TRIM67: variants seen among roughly 807,000 people sequenced by gnomAD.
TRIM67 encodes the protein tripartite motif containing 67, also known as tripartite motif-containing protein 67.
A neutral mutation model predicts 71.0 loss-of-function variants in TRIM67; 39 were observed. The ratio of observed to expected loss-of-function variants is 0.55; its 90% confidence interval spans 0.43 to 0.72. The LOEUF (loss-of-function observed/expected upper bound fraction) is 0.72, where lower values mean the gene tolerates loss of function less well. Ranked by LOEUF, TRIM67 falls within the 30% of genes least tolerant of loss-of-function variation. The pLI, the probability that TRIM67 is intolerant of heterozygous loss-of-function variation, is 0.00. For missense variants in TRIM67, 973 were observed against 1,079.2 expected (o/e 0.90, Z 1.38); for synonymous variants, 481 against 473.9 (o/e 1.01, Z -0.19).
intron 1 of TRIM67, among the ~76,000 whole-genome samples, 176 bp downstream of exon 1, chr1:231,164,189 C>G (rs937885942): frequency 2.6e-5 from 4 of 152,212 alleles, no homozygotes; most frequent in Admixed American, 1.3e-4. Flanking sequence ...GTAAGGGACT[C>G]CCGGTACTTT....
chr1:231,185,085 G>A, intron 1 of TRIM67: 3 of 1,532,948 alleles, frequency 2.0e-6, no homozygotes, highest in Non-Finnish European at 1.7e-6. Flanking sequence ...AGAGAGCAGG[G>A]CACTTCGGTC....
intron 6 of TRIM67, among the ~76,000 whole-genome samples, chr1:231,206,168 C>T (rs182838364): frequency 1.3e-5 from 2 of 152,004 alleles, no homozygotes; most frequent in East Asian, 3.9e-4. Context: ...TTGCTCACAC[C>T]TGTAATCCCA....
At chr1:231,197,538 G>T in intron 2 of TRIM67, 72 bp downstream of exon 2, 1 of 1,456,190 alleles carries the variant, frequency 6.9e-7, no homozygotes, top group Non-Finnish European at 9.6e-7. Context: ...GTATTAAGAA[G>T]AAAGAGGCGG....
intron 8 of TRIM67, among the ~76,000 whole-genome samples, chr1:231,211,138 G>A (rs903034974): frequency 1.3e-5 from 2 of 151,930 alleles, no homozygotes; most frequent in Non-Finnish European, 2.9e-5. Context: ...AGTTGATACT[G>A]TCAGGGTTGA....
At chr1:231,196,325 T>C (rs1006644163) in intron 1 of TRIM67, among the ~76,000 whole-genome samples, 1 of 152,080 alleles carries the variant, frequency 6.6e-6, no homozygotes, top group African/African-American at 2.4e-5. Context: ...GGTCACAGTC[T>C]GGATGGGCGT....
chr1:231,197,548 G>C, intron 2 of TRIM67, 82 bp downstream of exon 2: 1 of 1,333,494 alleles, frequency 7.5e-7, no homozygotes, highest in Non-Finnish European at 1.1e-6. Flanking sequence ...GAAAGAGGCG[G>C]GGCACGGTGG....
chr1:231,215,005 A>G (rs979294947), intron 9 of TRIM67, among the ~76,000 whole-genome samples: 2 of 152,106 alleles, frequency 1.3e-5, no homozygotes, highest in South Asian at 2.1e-4. Context: ...AGTTAATAGA[A>G]TGGGTTTAAT....
chr1:231,181,241 GGC>G (rs1393801259), intron 1 of TRIM67, among the ~76,000 whole-genome samples: 1 of 152,224 alleles, frequency 6.6e-6, no homozygotes, highest in Admixed American at 6.5e-5. Context: ...TGGGATTACA[GGC>G]GTGAGCCACT....
At chr1:231,186,123 G>A (rs752110641) in intron 1 of TRIM67, 127 of 1,533,076 alleles carry the variant, frequency 8.3e-5, no homozygotes, top group Non-Finnish European at 1.0e-4. Context: ...TGAATACATC[G>A]GTGAATGGAT....
rs761183707 is a variant in TRIM67, at chr1:231,199,076, C to T, written c.1170C>T (p.Leu390=). 4.8e-5 allele frequency: 77 copies of T among 1,613,888 alleles called. No homozygotes were observed. The highest frequency in any genetic ancestry group is 1.9e-4 in the South Asian group (17 of 91,084). Residue 390 remains leucine, a synonymous_variant, in exon 3 of 10, where the codon CTC becomes CTT. Coordinates refer to ENST00000366653, the MANE Select transcript of TRIM67 (RefSeq NM_001004342.5). ...QENGLDYEAC[L]VAQCDALVDA... ...ACGGACTGGACTACGAAGCCTGCCT[C>T]GTTGCTCAGTGTGATGCCCTTGTGG...
chr1:231,175,910 T>C (rs985960858), intron 1 of TRIM67, among the ~76,000 whole-genome samples: 4 of 152,274 alleles, frequency 2.6e-5, no homozygotes, highest in Middle Eastern at 3.4e-3. Context: ...TTCTTTCAAT[T>C]GGGGGCCACA....
chr1:231,177,265 G>A (rs1441727715), intron 1 of TRIM67, among the ~76,000 whole-genome samples: 1 of 152,120 alleles, frequency 6.6e-6, no homozygotes, highest in African/African-American at 2.4e-5. Context: ...TGGGGTAGGG[G>A]GTGCATAATT....
At chr1:231,204,047 G>A (rs1683628709) in intron 6 of TRIM67, 35 bp downstream of exon 6, 1 of 1,611,702 alleles carries the variant, frequency 6.2e-7, no homozygotes, top group Non-Finnish European at 8.5e-7. Flanking sequence ...GGGGATTGAG[G>A]GTACCAATGC....
In TRIM67 at chr1:231,218,860, G is replaced by A. The variant is rs563535131; in HGVS notation, c.*3420G>A. ...GGGGCAGGCCCACCCTCCTCTTTGC[G>A]CCCTTTCTCTCCCTCTTGGTGCCCC... On this transcript the variant is annotated 3_prime_UTR_variant, in exon 10 of 10. Transcript: ENST00000366653. 6.3e-5 allele frequency: 62 copies of A among 985,430 alleles called. No individual in the cohort carries two copies. Among genetic ancestry groups the A allele is most frequent in the South Asian group, 9.4e-5 (2 of 21,276 alleles). 61.0% of individuals were successfully genotyped at this position (985,430 alleles called of 1,614,324 possible).
intron 1 of TRIM67, among the ~76,000 whole-genome samples, chr1:231,174,378 G>A (rs1682692542): frequency 6.6e-6 from 1 of 150,844 alleles, no homozygotes; most frequent in African/African-American, 2.4e-5. Flanking sequence ...ATGTTGCCTA[G>A]GCTGGTCTCA....
chr1:231,162,653 A>T lies in TRIM67; in HGVS notation c.-317A>T. The T allele has an allele frequency of 3.3e-6, 1 of 303,732 alleles. No homozygotes were observed. The allele number at this position is 303,732 out of a possible 1,614,324, so 18.8% of individuals were successfully genotyped here. ...CCGGCGGCGGCGCTGGTGCTGATTC[A>T]TCACCTAAAGCTCCTCGCAGGCCAC... is the stretch of plus-strand genomic sequence containing the variant. On this transcript the variant is annotated 5_prime_UTR_variant, in exon 1 of 10. Coordinates refer to ENST00000366653, the MANE Select transcript of TRIM67 (RefSeq NM_001004342.5).
chr1:231,208,328 C>T (rs956513770), intron 7 of TRIM67, among the ~76,000 whole-genome samples: 1 of 152,120 alleles, frequency 6.6e-6, no homozygotes, highest in Non-Finnish European at 1.5e-5. Context: ...CACCTGCCAC[C>T]ACGCCCGGCT....
intron 9 of TRIM67, among the ~76,000 whole-genome samples, chr1:231,214,650 G>A (rs950792568): frequency 6.6e-6 from 1 of 151,844 alleles, no homozygotes; most frequent in African/African-American, 2.4e-5. Flanking sequence ...ATGGTAGCGG[G>A]TGCCTGTAGT....
Position 231,163,243 on chromosome 1 carries a change from G to A in TRIM67, c.274G>A (p.Ala92Thr), listed in dbSNP as rs955576590. Reference sequence around the variant, plus strand: ...TGCAGCTGGCGGCCTCGGCGGCGGTGCGGGAGGTGGCGGAGACCACGCGGA... The same window carrying A: ...TGCAGCTGGCGGCCTCGGCGGCGGTACGGGAGGTGGCGGAGACCACGCGGA... ...GSAAGGLGGG[A>T]GGGGDHADKL... The change falls in exon 1 of 10, where the codon GCG (alanine) becomes ACG (threonine). Residue 92 changes from alanine to threonine, a missense_variant. By Grantham distance (58) the Ala-to-Thr change is moderately conservative. This residue lies in a region of TRIM67 where 795 missense variants were observed against 831.3 expected (regional missense o/e 0.96). Coordinates refer to ENST00000366653, the MANE Select transcript of TRIM67 (RefSeq NM_001004342.5). 4.6e-6 allele frequency: 7 copies of A among 1,506,408 alleles called. No homozygotes were observed. The highest frequency in any genetic ancestry group is 2.2e-5 in the Admixed American group (1 of 46,422). 93.3% of individuals were successfully genotyped at this position (1,506,408 alleles called of 1,614,324 possible).
Sources: allele counts gnomAD v4.1 joint callset (sites outside exome capture counted in the v4.1 genomes callset), GRCh38; gene constraint gnomAD v4.1.1; regional missense constraint gnomAD v4.1.1; transcripts MANE v1.5; gene names NCBI Gene and HGNC (gene_info 2026-07-23, HGNC 2026-07-21).